RPTOR: variants seen among roughly 807,000 people sequenced by gnomAD.
RPTOR encodes regulatory associated protein of MTOR complex 1.
A neutral mutation model predicts 169.9 loss-of-function variants in RPTOR; 21 were observed. The ratio of observed to expected loss-of-function variants is 0.12; its 90% confidence interval spans 0.09 to 0.18. The LOEUF (loss-of-function observed/expected upper bound fraction) is 0.18. RPTOR is among the 10% of genes least tolerant of loss of function. RPTOR has a pLI of 1.00. For synonymous variants in RPTOR, 732 were observed against 753.2 expected (o/e 0.97, Z 0.46); for missense variants, 1,133 against 1,855.9 (o/e 0.61, Z 7.16).
In RPTOR at chr17:80,880,576, C is replaced by T. The variant is rs57257068; in HGVS notation, c.1584+87C>T. 5.2e-3 allele frequency: 6,635 copies of T among 1,281,920 alleles called. 261 individuals are homozygous for T. In the African/African-American group the frequency reaches 0.083, roughly 16 times the overall value. 79.4% of individuals were successfully genotyped at this position (1,281,920 alleles called of 1,614,324 possible). A position where few individuals can be genotyped will look rare whatever the true frequency, so the allele number is the denominator to read the frequency against. The stretch of plus-strand genomic sequence containing the variant: ...GCTGCACTGCGGTGGGGCCTTTTGA[C>T]GGGGGCTACAGGAGAAAGGTCAAGG... On this transcript the variant is annotated intron_variant, in intron 14 of 33. Transcript: ENST00000306801.
intron 5 of RPTOR, among the ~76,000 whole-genome samples, chr17:80,740,245 G>T (rs1322634194): frequency 6.6e-6 from 1 of 152,168 alleles, no homozygotes; most frequent in African/African-American, 2.4e-5. Context: ...AATAGTCATA[G>T]AATCATGAAA....
At chr17:80,575,935 G>A (rs569340341) in intron 1 of RPTOR, among the ~76,000 whole-genome samples, 2 of 152,152 alleles carry the variant, frequency 1.3e-5, no homozygotes, top group South Asian at 2.1e-4. Context: ...GTATCTTCCT[G>A]GTAAATTGGA....
intron 20 of RPTOR, among the ~76,000 whole-genome samples, chr17:80,901,839 C>T (rs2068480227): frequency 6.6e-6 from 1 of 151,294 alleles, no homozygotes; most frequent in Admixed American, 6.6e-5. Context: ...GCTCTGCCTT[C>T]CCCAGAGCAC....
intron 4 of RPTOR, among the ~76,000 whole-genome samples, chr17:80,713,633 C>A (rs545197678): frequency 1.7e-4 from 26 of 152,188 alleles, no homozygotes; most frequent in Admixed American, 5.2e-4. Context: ...ATATACTATG[C>A]CAATACTAGT....
At chr17:80,766,759 C>T (rs1236570010) in intron 6 of RPTOR, among the ~76,000 whole-genome samples, 1 of 152,068 alleles carries the variant, frequency 6.6e-6, no homozygotes, top group Non-Finnish European at 1.5e-5. Flanking sequence ...AATAATTGAT[C>T]TCAAAATTTA....
At chr17:80,944,380 C>G (rs958099191) in intron 25 of RPTOR, among the ~76,000 whole-genome samples, 3 of 152,264 alleles carry the variant, frequency 2.0e-5, no homozygotes, top group Non-Finnish European at 4.4e-5. Flanking sequence ...TTCATATAAT[C>G]TGACCCAGAT....
At chr17:80,846,130 C>T (rs1235138625) in intron 10 of RPTOR, among the ~76,000 whole-genome samples, 1 of 152,274 alleles carries the variant, frequency 6.6e-6, no homozygotes. Flanking sequence ...CTGCCCCCGG[C>T]ATCTTCACTC....
Position 80,726,138 on chromosome 17 carries a change from G to A in RPTOR, c.508-4422G>A, listed in dbSNP as rs1446026276. The stretch of plus-strand genomic sequence containing the variant: ...AGCGACCACAGAGGCCCACATCCAA[G>A]CAGGCTTCCCAGAGCAGGCGGGGCT... On this transcript the variant is annotated intron_variant, in intron 4 of 33. Transcript: ENST00000306801. This position sits in a 1 kb window ranked among gnomAD's most constrained non-coding sequence, Gnocchi z 4.5. 1.3e-5 allele frequency among the ~76,000 whole-genome samples: 2 copies of A among 152,192 alleles called. No individual in the cohort carries two copies. Among genetic ancestry groups the A allele is most frequent in the Non-Finnish European group, 2.9e-5 (2 of 68,014 alleles).
rs1235012626 is a variant in RPTOR, at chr17:80,545,636, T to A, written c.7T>A (p.Ser3Thr). The stretch of plus-strand genomic sequence containing the variant: ...CCCACCCCCTCCCCCACTGATGGAG[T>A]CCGAAATGCTGCAATCGCCTCTTCT... ME[S>T]EMLQSPLLGL... Residue 3 changes from serine (S) to threonine (T), a missense_variant, in exon 1 of 34, where the codon TCC becomes ACC. Physicochemically the swap from Ser to Thr is moderately conservative, Grantham distance 58. Coordinates refer to ENST00000306801, the MANE Select transcript of RPTOR (RefSeq NM_020761.3). 6.2e-7 allele frequency: 1 copy of A among 1,609,038 alleles called. No homozygotes were observed. Among genetic ancestry groups the A allele is most frequent in the Admixed American group, 1.7e-5 (1 of 59,386 alleles).
intron 17 of RPTOR, among the ~76,000 whole-genome samples, chr17:80,888,304 G>A (rs951993997): frequency 1.3e-5 from 2 of 152,098 alleles, no homozygotes; most frequent in Non-Finnish European, 2.9e-5. Context: ...TTGTAGAGAT[G>A]GGGTCTCGCT....
intron 3 of RPTOR, among the ~76,000 whole-genome samples, chr17:80,677,743 C>T (rs1033229178): frequency 1.3e-5 from 2 of 151,556 alleles, no homozygotes; most frequent in African/African-American, 4.9e-5. Context: ...AATCCTTAAT[C>T]CTTTCTACCT....
intron 24 of RPTOR, among the ~76,000 whole-genome samples, chr17:80,938,056 G>A (rs1213498351): frequency 1.3e-5 from 2 of 152,252 alleles, no homozygotes; most frequent in Admixed American, 1.3e-4. Context: ...TAGGGAAGTG[G>A]CGGCCCCTAC....
intron 4 of RPTOR, among the ~76,000 whole-genome samples, chr17:80,723,657 C>G (rs756362232): frequency 1.1e-4 from 17 of 151,206 alleles, no homozygotes; most frequent in Non-Finnish European, 1.9e-4. Flanking sequence ...TTTGTGTGCT[C>G]GTTACTACTG....
intron 3 of RPTOR, among the ~76,000 whole-genome samples, chr17:80,704,567 A>G (rs1304625599): frequency 6.6e-6 from 1 of 152,208 alleles, no homozygotes; most frequent in African/African-American, 2.4e-5. Context: ...ATACTTTCTG[A>G]TATTATGTTG....
intron 7 of RPTOR, among the ~76,000 whole-genome samples, chr17:80,812,312 C>T (rs758244645): frequency 7.8e-4 from 118 of 152,090 alleles, no homozygotes; most frequent in African/African-American, 2.5e-3. Flanking sequence ...TGGTTTCAAA[C>T]ATATATACAG....
intron 9 of RPTOR, among the ~76,000 whole-genome samples, chr17:80,834,723 C>A (rs1009573335): frequency 4.6e-5 from 7 of 152,202 alleles, no homozygotes; most frequent in Admixed American, 2.6e-4. Flanking sequence ...GCAGTTCAGG[C>A]CTTCAACACC....
chr17:80,945,837 C>A, intron 26 of RPTOR, 56 bp downstream of exon 26: 3 of 995,372 alleles, frequency 3.0e-6, no homozygotes, highest in South Asian at 1.8e-5. Context: ...CCCAGCGATG[C>A]CCTGTTCTCC....
Position 80,730,508 on chromosome 17 carries a change from G to A in RPTOR, c.508-52G>A. 10 of 1,597,588 alleles carry A rather than the reference G, an allele frequency of 6.3e-6. No homozygotes were observed. Among genetic ancestry groups the A allele is most frequent in the Non-Finnish European group, 7.7e-6 (9 of 1,166,408 alleles). Reference sequence around the variant, plus strand: ...TGTAACGGTGCAGTACTCACCAGCAGCCCATATTCCTGAGACGCACATGTA... The same window carrying A: ...TGTAACGGTGCAGTACTCACCAGCAACCCATATTCCTGAGACGCACATGTA... On this transcript the variant is annotated intron_variant, in intron 4 of 33. Coordinates refer to ENST00000306801, the MANE Select transcript of RPTOR (RefSeq NM_020761.3). This position sits in a 1 kb window ranked among gnomAD's most constrained non-coding sequence, Gnocchi z 4.2.
At chr17:80,811,463 C>T (rs1223966932) in intron 7 of RPTOR, among the ~76,000 whole-genome samples, 3 of 152,164 alleles carry the variant, frequency 2.0e-5, no homozygotes, top group Non-Finnish European at 4.4e-5. Context: ...GGATAGATTG[C>T]GGGATTTTAC....
Sources: allele counts gnomAD v4.1 joint callset (sites outside exome capture counted in the v4.1 genomes callset), GRCh38; gene constraint gnomAD v4.1.1; non-coding constraint Gnocchi (gnomAD v3.1); transcripts MANE v1.5; gene names NCBI Gene and HGNC (gene_info 2026-07-23, HGNC 2026-07-21).